GRIK2: variants seen among roughly 807,000 people sequenced by gnomAD.
The protein encoded by GRIK2 is glutamate ionotropic receptor kainate type subunit 2, also known as glutamate receptor ionotropic, kainate 2.
GRIK2 carries 32 observed loss-of-function variants against 100.3 expected under a neutral mutation model. The observed-to-expected ratio is 0.32, with a 90% CI of 0.24 to 0.43. GRIK2 has a LOEUF of 0.43. GRIK2 is among the 20% of genes least tolerant of loss of function. GRIK2 has a pLI of 1.00. For missense variants in GRIK2, 843 were observed against 1,114.9 expected (o/e 0.76, Z 3.47); for synonymous variants, 417 against 389.4 (o/e 1.07, Z -0.83).
chr6:101,472,344 A>C (rs566383365), intron 2 of GRIK2, among the ~76,000 whole-genome samples: 1 of 151,842 alleles, frequency 6.6e-6, no homozygotes, highest in South Asian at 2.1e-4. Flanking sequence ...GTTTGGGAAA[A>C]GGTGCTACAG....
At chr6:101,562,551 C>A (rs1777073646) in intron 2 of GRIK2, among the ~76,000 whole-genome samples, 5 of 152,010 alleles carry the variant, frequency 3.3e-5, no homozygotes, top group Admixed American at 3.3e-4. Context: ...TCATGTTGGC[C>A]AGGCTGGTCT....
chr6:101,654,118 C>T (rs190508068), intron 4 of GRIK2, among the ~76,000 whole-genome samples: 2 of 152,086 alleles, frequency 1.3e-5, no homozygotes, highest in Admixed American at 6.6e-5. Context: ...TTGCTGAAAA[C>T]TGAATAAACA....
At chr6:101,624,283 C>G (rs1780321071) in intron 3 of GRIK2, among the ~76,000 whole-genome samples, 1 of 151,994 alleles carries the variant, frequency 6.6e-6, no homozygotes, top group Non-Finnish European at 1.5e-5. Context: ...TGATTTGTCA[C>G]AAACCTGGTG....
intron 14 of GRIK2, among the ~76,000 whole-genome samples, chr6:102,022,349 A>G (rs1158482793): frequency 2.6e-5 from 4 of 151,654 alleles, no homozygotes; most frequent in Non-Finnish European, 1.5e-5. Flanking sequence ...AAAATTGGCT[A>G]AATACAGACA....
rs544509382 is a variant in GRIK2, at chr6:101,841,404, C to A, written c.1318-17883C>A. ...TTTGGTACGGTTTCTCTCTCTGTTG[C>A]CCAGGCTAGAGTGCAGTGGAGCAAT... is the stretch of plus-strand genomic sequence containing the variant. On this transcript the variant is annotated intron_variant, in intron 10 of 16. Coordinates refer to ENST00000369134, the MANE Select transcript of GRIK2 (RefSeq NM_021956.5). Among the ~76,000 whole-genome samples, 12 of 150,184 alleles carry A rather than the reference C, an allele frequency of 8.0e-5. No homozygotes were observed. In the East Asian group the frequency reaches 2.4e-3, roughly 30 times the overall value.
chr6:101,766,136 C>T (rs1460316374), intron 7 of GRIK2, among the ~76,000 whole-genome samples: 1 of 151,972 alleles, frequency 6.6e-6, no homozygotes, highest in East Asian at 1.9e-4. Context: ...TGAACAAAGT[C>T]CAGCATCATT....
chr6:101,474,624 T>C (rs947533139), intron 2 of GRIK2, among the ~76,000 whole-genome samples: 1 of 151,864 alleles, frequency 6.6e-6, no homozygotes, highest in Non-Finnish European at 1.5e-5. Context: ...ATAATCATAA[T>C]CCAAGGCCCT....
At chr6:101,958,568 T>C (rs539621334) in intron 14 of GRIK2, among the ~76,000 whole-genome samples, 1 of 152,142 alleles carries the variant, frequency 6.6e-6, no homozygotes, top group South Asian at 2.1e-4. Context: ...CTATGTTGAA[T>C]ATGAGAGGTA....
intron 11 of GRIK2, among the ~76,000 whole-genome samples, chr6:101,870,625 T>G (rs960212668): frequency 2.0e-5 from 3 of 151,826 alleles, no homozygotes; most frequent in South Asian, 4.1e-4. Context: ...CTACCCTTTT[T>G]TTCTTTCCAC....
chr6:101,910,479 C>T (rs1407922221), intron 12 of GRIK2, among the ~76,000 whole-genome samples: 1 of 150,904 alleles, frequency 6.6e-6, no homozygotes, highest in Non-Finnish European at 1.5e-5. Context: ...GAGATAGAAG[C>T]CAAATAGTTA....
At chr6:101,684,277 A>T (rs1338232965) in intron 6 of GRIK2, among the ~76,000 whole-genome samples, 1 of 152,166 alleles carries the variant, frequency 6.6e-6, no homozygotes, top group East Asian at 1.9e-4. Context: ...GGGGAAATCA[A>T]AAGTATCTCT....
intron 2 of GRIK2, among the ~76,000 whole-genome samples, chr6:101,535,643 G>A (rs1018073880): frequency 6.6e-6 from 1 of 151,620 alleles, no homozygotes; most frequent in African/African-American, 2.4e-5. Flanking sequence ...AATTTAAAAA[G>A]CCACATTGTA....
chr6:102,062,154 G>C (rs926281109), intron 16 of GRIK2, among the ~76,000 whole-genome samples: 2 of 150,014 alleles, frequency 1.3e-5, no homozygotes, highest in Non-Finnish European at 3.0e-5. Context: ...TTAGAGTAAA[G>C]GTTTCTGAGA....
At chr6:101,910,130 T>C (rs1216082237) in intron 12 of GRIK2, among the ~76,000 whole-genome samples, 1 of 151,164 alleles carries the variant, frequency 6.6e-6, no homozygotes, top group Non-Finnish European at 1.5e-5. Context: ...ATCAGAAACA[T>C]TTAATAAATA....
At chr6:101,688,704 T>A (rs181819222) in intron 7 of GRIK2, among the ~76,000 whole-genome samples, 1 of 151,994 alleles carries the variant, frequency 6.6e-6, no homozygotes, top group African/African-American at 2.4e-5. Flanking sequence ...GGGCATTATA[T>A]ATAAACCATG....
intron 10 of GRIK2, among the ~76,000 whole-genome samples, chr6:101,832,726 T>G (rs2128428782): frequency 6.6e-6 from 1 of 152,320 alleles, no homozygotes; most frequent in Non-Finnish European, 1.5e-5. Flanking sequence ...ACATTTCATT[T>G]TTTTAAAATC....
intron 4 of GRIK2, among the ~76,000 whole-genome samples, chr6:101,647,163 G>A (rs1433954088): frequency 6.6e-6 from 1 of 151,956 alleles, no homozygotes; most frequent in Non-Finnish European, 1.5e-5. Flanking sequence ...TAATAGTCAG[G>A]TTCTTCACTG....
chr6:102,024,271 C>T (rs1769577865), intron 14 of GRIK2, among the ~76,000 whole-genome samples: 1 of 150,926 alleles, frequency 6.6e-6, no homozygotes, highest in Admixed American at 6.6e-5. Flanking sequence ...CTTGTACTGA[C>T]TTTCAGGAAA....
chr6:101,535,231 G>A (rs1360182528), intron 2 of GRIK2, among the ~76,000 whole-genome samples: 1 of 151,700 alleles, frequency 6.6e-6, no homozygotes, highest in Non-Finnish European at 1.5e-5. Context: ...AAGGCATGAT[G>A]TGTTTACTGT....
Sources: allele counts gnomAD v4.1 joint callset (sites outside exome capture counted in the v4.1 genomes callset), GRCh38; gene constraint gnomAD v4.1.1; transcripts MANE v1.5; gene names NCBI Gene and HGNC (gene_info 2026-07-23, HGNC 2026-07-21).